The following CNTNAP5 variants were observed in gnomAD, a reference collection of about 807,000 sequenced individuals.
The protein encoded by CNTNAP5 is contactin-associated protein-like 5.
In CNTNAP5, 72 loss-of-function variants were observed where a neutral mutation model predicts 150.2. The ratio of observed to expected loss-of-function variants is 0.48; its 90% CI spans 0.40 to 0.58. The LOEUF is 0.58. Ranked by LOEUF, CNTNAP5 falls within the 20% of genes least tolerant of loss-of-function variation. The probability of loss-of-function intolerance (pLI) is 0.00; values close to 1 mark genes in which losing one functional copy is unlikely to be tolerated. For missense variants in CNTNAP5, 1,636 were observed against 1,626.2 expected, an observed-to-expected ratio of 1.01 and a Z score of -0.10; for synonymous variants, 672 against 619.8, an observed-to-expected ratio of 1.08 and a Z score of -1.25.
At chr2:124,688,473 A>G (rs1183318249) in intron 13 of CNTNAP5, among the ~76,000 whole-genome samples, 2 of 152,134 alleles carry the variant, frequency 1.3e-5, no homozygotes, top group Non-Finnish European at 2.9e-5. Context: ...AGTCTGGATG[A>G]CTATTTTAGA....
At chr2:124,117,063 A>G (rs1461148392) in intron 1 of CNTNAP5, among the ~76,000 whole-genome samples, 1 of 152,200 alleles carries the variant, frequency 6.6e-6, no homozygotes, top group Non-Finnish European at 1.5e-5. Flanking sequence ...TCCTCTCCTA[A>G]CAGAGTAGCA....
At chr2:124,433,457 GA>G (rs916430727) in intron 4 of CNTNAP5, among the ~76,000 whole-genome samples, 113 of 151,718 alleles carry the variant, frequency 7.4e-4, no homozygotes, top group African/African-American at 2.7e-3. Context: ...TAGATCCTTG[GA>G]AAAAAAATTA....
chr2:124,911,557 T>C lies in CNTNAP5; in HGVS notation c.3727+19T>C, dbSNP rs1165299674. 1 of 1,565,450 alleles carries C rather than the reference T, an allele frequency of 6.4e-7. No homozygotes were observed. The highest frequency in any genetic ancestry group is 1.4e-5 in the African/African-American group (1 of 74,038). ...ATCGGAGGTAAACAATTCATTGTTG[T>C]TGAATGCAAAAAGACATAAACGATC... On this transcript the variant is annotated intron_variant, in intron 23 of 23. Coordinates refer to ENST00000682447, the MANE Select transcript of CNTNAP5 (RefSeq NM_001367498.1).
At chr2:124,175,933 A>G (rs1009305037) in intron 1 of CNTNAP5, among the ~76,000 whole-genome samples, 15 of 152,124 alleles carry the variant, frequency 9.9e-5, no homozygotes, top group Admixed American at 6.5e-4. Context: ...TGGCAGAGCA[A>G]TTTGTTCTCA....
intron 13 of CNTNAP5, among the ~76,000 whole-genome samples, chr2:124,649,615 G>C (rs552713944): frequency 6.6e-6 from 1 of 152,284 alleles, no homozygotes; most frequent in African/African-American, 2.4e-5. Context: ...CCTTATTTGA[G>C]TGGGAGGGCA....
At chr2:124,413,919 C>T (rs1337792910) in intron 3 of CNTNAP5, among the ~76,000 whole-genome samples, 9 of 151,086 alleles carry the variant, frequency 6.0e-5, no homozygotes, top group Non-Finnish European at 1.0e-4. Flanking sequence ...AAAAGAACTT[C>T]GGAGAATAGC....
At chr2:124,139,963 A>G (rs898667742) in intron 1 of CNTNAP5, among the ~76,000 whole-genome samples, 73 of 152,318 alleles carry the variant, frequency 4.8e-4, no homozygotes, top group Admixed American at 9.8e-4. Flanking sequence ...AGGGCGAGGC[A>G]TTGCCTCACT....
intron 13 of CNTNAP5, chr2:124,680,831 G>GAAC (rs1460566683): frequency 6.6e-6 from 1 of 151,812 alleles, no homozygotes; most frequent in Admixed American, 6.7e-5. Context: ...ATTTGGGTAT[G>GAAC]AACCTTTTTT....
chr2:124,780,298 A>C (rs1346402170), intron 17 of CNTNAP5, among the ~76,000 whole-genome samples: 1 of 152,228 alleles, frequency 6.6e-6, no homozygotes, highest in East Asian at 1.9e-4. Flanking sequence ...CCCCATTGGA[A>C]TAATGAGACA....
chr2:124,203,613 G>A (rs908370171), intron 1 of CNTNAP5, among the ~76,000 whole-genome samples: 1 of 152,140 alleles, frequency 6.6e-6, no homozygotes, highest in South Asian at 2.1e-4. Flanking sequence ...TGAAATCTAG[G>A]CAGAGGTTCC....
At chr2:124,222,300 T>C (rs1686341385) in intron 2 of CNTNAP5, among the ~76,000 whole-genome samples, 2 of 152,086 alleles carry the variant, frequency 1.3e-5, no homozygotes, top group Non-Finnish European at 2.9e-5. Flanking sequence ...TGTAGTTAAG[T>C]ATATGGTGTT....
intron 11 of CNTNAP5, among the ~76,000 whole-genome samples, chr2:124,590,721 C>A (rs1171230606): frequency 1.3e-5 from 2 of 151,948 alleles, no homozygotes; most frequent in East Asian, 3.9e-4. Flanking sequence ...GACATAGGAA[C>A]AAAGGAAGAA....
chr2:124,879,937 G>T (rs1472685863), intron 21 of CNTNAP5, among the ~76,000 whole-genome samples: 2 of 152,100 alleles, frequency 1.3e-5, no homozygotes, highest in East Asian at 3.9e-4. Context: ...CTGAAGCTTG[G>T]TGAGAATGGA....
At chr2:124,680,758 T>G (rs1679048556) in intron 13 of CNTNAP5, 1 of 151,868 alleles carries the variant, frequency 6.6e-6, no homozygotes, top group African/African-American at 2.4e-5. Context: ...GGTCTGTACA[T>G]ATAAACATTG....
At chr2:124,684,087 A>G (rs1286270036) in intron 13 of CNTNAP5, among the ~76,000 whole-genome samples, 1 of 152,218 alleles carries the variant, frequency 6.6e-6, no homozygotes, top group Non-Finnish European at 1.5e-5. Context: ...GCAAAGTGCA[A>G]CAGCCCATTA....
chr2:124,155,203 G>A (rs561140415), intron 1 of CNTNAP5, among the ~76,000 whole-genome samples: 1 of 149,784 alleles, frequency 6.7e-6, no homozygotes, highest in African/African-American at 2.5e-5. Flanking sequence ...AATGCAAAAT[G>A]AGTCTATTCC....
intron 19 of CNTNAP5, among the ~76,000 whole-genome samples, chr2:124,810,598 C>A (rs1429012637): frequency 6.6e-6 from 1 of 152,030 alleles, no homozygotes; most frequent in Non-Finnish European, 1.5e-5. Context: ...TGGATGCCAT[C>A]ATGAAGATTG....
intron 1 of CNTNAP5, among the ~76,000 whole-genome samples, chr2:124,114,871 G>T (rs935650619): frequency 6.6e-6 from 1 of 151,264 alleles, no homozygotes; most frequent in Non-Finnish European, 1.5e-5. Context: ...TTTTTCAAAT[G>T]CTTTTTCTGC....
At chr2:124,689,375 G>A (rs889334916) in intron 13 of CNTNAP5, among the ~76,000 whole-genome samples, 3 of 152,144 alleles carry the variant, frequency 2.0e-5, no homozygotes, top group Admixed American at 2.0e-4. Flanking sequence ...CTTGGATCTT[G>A]GAAGGTGAAT....
Sources: gnomAD v4.1 joint callset for allele counts (sites outside exome capture counted in the v4.1 genomes callset) on GRCh38, gnomAD v4.1.1 for gene constraint, MANE v1.5 for transcripts, NCBI Gene and HGNC (gene_info 2026-07-23, HGNC 2026-07-21) for gene names.